PLA2G4A: variants seen among roughly 807,000 people sequenced by gnomAD.
PLA2G4A encodes phospholipase A2 group IVA, also known as cytosolic phospholipase A2.
PLA2G4A carries 40 observed loss-of-function variants against 81.9 expected under a neutral mutation model. The observed-to-expected ratio is 0.49, with a 90% confidence interval of 0.38 to 0.64. The LOEUF is 0.64. Ranked by LOEUF, PLA2G4A falls within the 30% of genes least tolerant of loss-of-function variation. The probability of loss-of-function intolerance (pLI) is 0.00; values close to 1 mark genes in which losing one functional copy is unlikely to be tolerated. For missense variants in PLA2G4A, 715 were observed against 905.1 expected (o/e 0.79, Z 2.69); for synonymous variants, 302 against 296.9 (o/e 1.02, Z -0.18).
intron 5 of PLA2G4A, among the ~76,000 whole-genome samples, chr1:186,905,418 C>T (rs1316864336): frequency 1.3e-5 from 2 of 151,570 alleles, no homozygotes. Flanking sequence ...AAAGACCATG[C>T]TTTACCCATA....
chr1:186,840,200 A>G (rs2102005493), intron 1 of PLA2G4A, among the ~76,000 whole-genome samples: 1 of 151,752 alleles, frequency 6.6e-6, no homozygotes, highest in East Asian at 1.9e-4. Context: ...AAAATGTTAT[A>G]CTCTATAAAG....
chr1:186,890,789 G>A (rs551497084), intron 3 of PLA2G4A, among the ~76,000 whole-genome samples: 2 of 150,282 alleles, frequency 1.3e-5, no homozygotes, highest in South Asian at 2.1e-4. Flanking sequence ...GGAGGCCGAG[G>A]TTGCAGTGAG....
chr1:186,907,693 A>C (rs2102146625), intron 6 of PLA2G4A, among the ~76,000 whole-genome samples: 1 of 152,360 alleles, frequency 6.6e-6, no homozygotes, highest in African/African-American at 2.4e-5. Context: ...CCACGAAAAC[A>C]AATTGAACAT....
chr1:186,836,733 A>G (rs1430380462), intron 1 of PLA2G4A, among the ~76,000 whole-genome samples: 2 of 152,242 alleles, frequency 1.3e-5, no homozygotes, highest in South Asian at 2.1e-4. Context: ...TAACAGCTAC[A>G]TGCTAGGTAC....
chr1:186,902,355 G>A (rs780905883), intron 5 of PLA2G4A, among the ~76,000 whole-genome samples: 22 of 151,930 alleles, frequency 1.4e-4, no homozygotes, highest in African/African-American at 2.2e-4. Context: ...CATTCTATAC[G>A]ACAAATGCTC....
intron 7 of PLA2G4A, among the ~76,000 whole-genome samples, chr1:186,919,930 T>C (rs528032496): frequency 4.6e-4 from 70 of 152,212 alleles, no homozygotes; most frequent in African/African-American, 1.6e-3. Context: ...TATAATTCCA[T>C]AGGCTTTCAA....
chr1:186,937,253 AAGAGAG>A (rs58594192), intron 8 of PLA2G4A, among the ~76,000 whole-genome samples: 4 of 149,222 alleles, frequency 2.7e-5, no homozygotes, highest in African/African-American at 7.4e-5. Context: ...GAGACGGGAA[AAGAGAG>A]AGAGAGAGAG....
chr1:186,983,731 T>C (rs1451877597), intron 17 of PLA2G4A, among the ~76,000 whole-genome samples: 2 of 146,740 alleles, frequency 1.4e-5, no homozygotes, highest in Non-Finnish European at 1.5e-5. Flanking sequence ...TATAGTGACT[T>C]ACACTGGTAG....
intron 10 of PLA2G4A, among the ~76,000 whole-genome samples, chr1:186,941,034 C>T (rs976901395): frequency 6.9e-6 from 1 of 145,500 alleles, no homozygotes; most frequent in Non-Finnish European, 1.5e-5. Context: ...GGCATGAACT[C>T]GGGAGACAGA....
At chr1:186,830,983 T>A (rs1266807885) in intron 1 of PLA2G4A, among the ~76,000 whole-genome samples, 1 of 139,778 alleles carries the variant, frequency 7.2e-6, no homozygotes, top group African/African-American at 2.5e-5. Flanking sequence ...TCTTTCTTTC[T>A]TTCTTTCTTT....
intron 1 of PLA2G4A, among the ~76,000 whole-genome samples, chr1:186,839,853 C>T (rs1651915528): frequency 6.6e-6 from 1 of 151,896 alleles, no homozygotes; most frequent in African/African-American, 2.4e-5. Flanking sequence ...GTTGGAGTAC[C>T]CCACAGAAGT....
At chr1:186,880,791 C>T (rs1289388844) in intron 3 of PLA2G4A, among the ~76,000 whole-genome samples, 1 of 151,956 alleles carries the variant, frequency 6.6e-6, no homozygotes, top group African/African-American at 2.4e-5. Context: ...CAAGAAACAT[C>T]CGTACATTCT....
chr1:186,931,847 G>C (rs372898659), intron 7 of PLA2G4A, among the ~76,000 whole-genome samples: 1 of 152,198 alleles, frequency 6.6e-6, no homozygotes, highest in East Asian at 1.9e-4. Flanking sequence ...CATGCCTTGG[G>C]ATCCTTGTTC....
intron 3 of PLA2G4A, among the ~76,000 whole-genome samples, chr1:186,873,303 C>A: frequency 6.6e-6 from 1 of 151,976 alleles, no homozygotes. Context: ...TACCAAATAG[C>A]TGAATTTGGG....
intron 12 of PLA2G4A, among the ~76,000 whole-genome samples, chr1:186,949,913 A>G (rs1307127334): frequency 6.6e-6 from 1 of 152,058 alleles, no homozygotes; most frequent in Non-Finnish European, 1.5e-5. Context: ...GTCCATGCCT[A>G]TAATCCCAGC....
At chr1:186,870,807 T>C in intron 3 of PLA2G4A, 1 of 1,024,142 alleles carries the variant, frequency 9.8e-7, no homozygotes, top group South Asian at 1.3e-5. Context: ...TTTAATTACT[T>C]GAGTTCCTTG....
rs148614012 is a variant in PLA2G4A at position 186,830,936 on chromosome 1, A to AGCTTGCTTGCTT, written c.-70+1914_-70+1925dup. On this transcript the variant is annotated intron_variant, in intron 1 of 17. Coordinates refer to ENST00000367466, the MANE Select transcript of PLA2G4A (RefSeq NM_024420.3). ...TCCTCCTTCTTGCTCCAGATTGTAT[A>AGCTTGCTTGCTT]GCTTGCTTGCTTGCTTGCTTGCTTT... Among the ~76,000 whole-genome samples, 248 of 127,004 alleles carry AGCTTGCTTGCTT rather than the reference A, an allele frequency of 2.0e-3. 2 individuals carry two copies. Among genetic ancestry groups the AGCTTGCTTGCTT allele is most frequent in the African/African-American group, 5.9e-3 (188 of 31,804 alleles). 83.3% of individuals were successfully genotyped at this position (127,004 alleles called of 152,430 possible). A position where few individuals can be genotyped will look rare whatever the true frequency, so the allele number is the denominator to read the frequency against.
intron 1 of PLA2G4A, among the ~76,000 whole-genome samples, chr1:186,838,201 C>G (rs1436380257): frequency 6.6e-6 from 1 of 152,060 alleles, no homozygotes; most frequent in Non-Finnish European, 1.5e-5. Flanking sequence ...TTAAAACTAG[C>G]CTTCCAGGGT....
At chr1:186,840,836 AGGCAGCAAT>A (rs1274685322) in intron 1 of PLA2G4A, among the ~76,000 whole-genome samples, 3 of 152,216 alleles carry the variant, frequency 2.0e-5, no homozygotes, top group African/African-American at 7.2e-5. Context: ...CACTTAAAAA[AGGCAGCAAT>A]GGCAGCAATT....
Sources: allele counts gnomAD v4.1 joint callset (sites outside exome capture counted in the v4.1 genomes callset), GRCh38; gene constraint gnomAD v4.1.1; transcripts MANE v1.5; gene names NCBI Gene and HGNC (gene_info 2026-07-23, HGNC 2026-07-21).